AFG1L: variants seen among roughly 807,000 people sequenced by gnomAD.
AFG1L encodes the protein AFG1-like ATPase.
AFG1L carries 53 observed loss-of-function variants against 62.2 expected under a neutral mutation model. That is an observed-to-expected ratio of 0.85 (90% confidence interval 0.68 to 1.07). The LOEUF is 1.07. AFG1L is among the 50% of genes least tolerant of loss of function. AFG1L has a pLI of 0.00. For synonymous variants in AFG1L, 228 were observed against 210.3 expected (o/e 1.08, Z -0.73); for missense variants, 555 against 590.5 (o/e 0.94, Z 0.62).
chr6:108,444,102 A>G (rs1771664680), intron 7 of AFG1L, among the ~76,000 whole-genome samples: 1 of 148,606 alleles, frequency 6.7e-6, no homozygotes, highest in South Asian at 2.1e-4. Flanking sequence ...CTATCTATCT[A>G]TATCTGCACA....
chr6:108,516,579 C>T (rs896637142), intron 11 of AFG1L, among the ~76,000 whole-genome samples: 15 of 152,178 alleles, frequency 9.9e-5, no homozygotes, highest in Non-Finnish European at 1.9e-4. Context: ...GCATTCCCTT[C>T]GAAAACTGGC....
intron 6 of AFG1L, among the ~76,000 whole-genome samples, chr6:108,392,443 C>G (rs1257908085): frequency 1.3e-5 from 2 of 152,040 alleles, no homozygotes; most frequent in African/African-American, 4.8e-5. Context: ...GTGTACAGTG[C>G]CTGGCAAATT....
intron 2 of AFG1L, among the ~76,000 whole-genome samples, chr6:108,329,926 G>C (rs1778202572): frequency 6.6e-6 from 1 of 152,142 alleles, no homozygotes; most frequent in South Asian, 2.1e-4. Context: ...TGAGATCTCT[G>C]CTGTCATGAA....
chr6:108,296,483 C>T (rs927761568), intron 1 of AFG1L, among the ~76,000 whole-genome samples: 1 of 152,006 alleles, frequency 6.6e-6, no homozygotes, highest in Non-Finnish European at 1.5e-5. Flanking sequence ...CAGAGGCAAT[C>T]TGTGATACTA....
At chr6:108,331,726 A>T (rs1235544547) in intron 2 of AFG1L, among the ~76,000 whole-genome samples, 1 of 152,216 alleles carries the variant, frequency 6.6e-6, no homozygotes, top group Non-Finnish European at 1.5e-5. Context: ...TATAATTAGA[A>T]TTACTTTTAC....
intron 6 of AFG1L, among the ~76,000 whole-genome samples, chr6:108,374,066 A>T (rs1339703861): frequency 6.6e-6 from 1 of 151,544 alleles, no homozygotes; most frequent in Non-Finnish European, 1.5e-5. Context: ...TGTGGTTTTC[A>T]TTTGTGTTTC....
intron 6 of AFG1L, among the ~76,000 whole-genome samples, chr6:108,379,106 G>C (rs1413861516): frequency 2.0e-5 from 3 of 151,000 alleles, no homozygotes; most frequent in Non-Finnish European, 4.4e-5. Context: ...CTCCTCCCAG[G>C]TCTGAGCAAT....
intron 1 of AFG1L, among the ~76,000 whole-genome samples, chr6:108,297,738 C>T (rs1044860489): frequency 4.6e-5 from 7 of 151,448 alleles, no homozygotes; most frequent in Non-Finnish European, 1.0e-4. Context: ...GCCTGTAGTC[C>T]CAGCTACTTG....
intron 7 of AFG1L, among the ~76,000 whole-genome samples, chr6:108,402,490 A>G (rs1301872169): frequency 2.8e-5 from 4 of 140,396 alleles, no homozygotes; most frequent in Non-Finnish European, 6.2e-5. Context: ...AAAAAAAAAA[A>G]GGAGACTTGC....
rs1775218092 is a variant in AFG1L at position 108,523,788 on chromosome 6, G to A, written c.*1363G>A. The stretch of plus-strand genomic sequence containing the variant: ...TTAAGGCAAGCAGGTAGATGGATGA[G>A]TACCCAAGCCGAGAGAAGAGTTTAA... On this transcript the variant is annotated 3_prime_UTR_variant, in exon 13 of 13. Coordinates refer to ENST00000368977, the MANE Select transcript of AFG1L (RefSeq NM_145315.5). The A allele has an allele frequency of 6.6e-6, 1 of 151,976 alleles. No homozygotes were observed. Among genetic ancestry groups the A allele is most frequent in the Admixed American group, 6.5e-5 (1 of 15,268 alleles). The allele number at this position is 151,976 out of a possible 1,614,324, so 9.4% of individuals were successfully genotyped here.
At chr6:108,395,026 T>C (rs1408333135) in intron 6 of AFG1L, among the ~76,000 whole-genome samples, 1 of 152,228 alleles carries the variant, frequency 6.6e-6, no homozygotes, top group Admixed American at 6.5e-5. Context: ...GAAAAAAATC[T>C]CATTTTGAAT....
In AFG1L at chr6:108,399,178, G is replaced by GTT. The variant is rs57304886; in HGVS notation, c.749-2791_749-2790dup. ...CAAAGATCTGTCACTTCTTTTGTTT[G>GTT]TTTTTTTTTTTTTTTTTTTTTTTTT... On this transcript the variant is annotated intron_variant, in intron 6 of 12. Transcript: ENST00000368977. Among the ~76,000 whole-genome samples, 51 of 62,220 alleles carry GTT rather than the reference G, an allele frequency of 8.2e-4. 11 individuals are homozygous for GTT. The highest frequency in any genetic ancestry group is 3.2e-3 in the African/African-American group (47 of 14,914). 40.8% of individuals were successfully genotyped at this position (62,220 alleles called of 152,430 possible).
chr6:108,319,944 G>A (rs1777756057), intron 1 of AFG1L, among the ~76,000 whole-genome samples: 3 of 152,076 alleles, frequency 2.0e-5, no homozygotes, highest in Admixed American at 2.0e-4. Flanking sequence ...GGTGGTGTGG[G>A]TATGTGAATG....
chr6:108,483,098 A>G (rs920018001), intron 10 of AFG1L, among the ~76,000 whole-genome samples: 24 of 152,192 alleles, frequency 1.6e-4, no homozygotes, highest in African/African-American at 5.8e-4. Context: ...CTGAGTTGCA[A>G]TAGATTGGAT....
intron 2 of AFG1L, among the ~76,000 whole-genome samples, chr6:108,338,389 A>C (rs1222122868): frequency 1.3e-5 from 2 of 152,230 alleles, no homozygotes; most frequent in African/African-American, 4.8e-5. Flanking sequence ...CTCTGTGATC[A>C]AATAAGTTTA....
chr6:108,485,658 T>TATATATA (rs1562190010), intron 10 of AFG1L, among the ~76,000 whole-genome samples: 44 of 13,070 alleles, frequency 3.4e-3, no homozygotes, highest in Admixed American at 4.8e-3. Flanking sequence ...ATATATATAT[T>TATATATA]TTTTTTTTTT....
chr6:108,367,157 T>C (rs932657827), intron 6 of AFG1L, among the ~76,000 whole-genome samples: 29 of 152,322 alleles, frequency 1.9e-4, no homozygotes, highest in African/African-American at 6.3e-4. Context: ...TATAGTTTAT[T>C]GTCTGTTCCC....
chr6:108,354,882 G>A (rs1372444500), intron 3 of AFG1L, among the ~76,000 whole-genome samples: 1 of 152,176 alleles, frequency 6.6e-6, no homozygotes, highest in Admixed American at 6.5e-5. Context: ...TAATGCGATT[G>A]TAGTCATTAA....
intron 1 of AFG1L, among the ~76,000 whole-genome samples, chr6:108,322,970 A>G (rs566586235): frequency 6.3e-4 from 96 of 152,090 alleles, no homozygotes; most frequent in African/African-American, 2.2e-3. Flanking sequence ...TGAAGCAGAC[A>G]CTCTTGCTGT....
Sources: gnomAD v4.1 joint callset for allele counts (sites outside exome capture counted in the v4.1 genomes callset) on GRCh38, gnomAD v4.1.1 for gene constraint, MANE v1.5 for transcripts, NCBI Gene and HGNC (gene_info 2026-07-23, HGNC 2026-07-21) for gene names.